GALNT13: variants seen among roughly 807,000 people sequenced by gnomAD.
GALNT13 encodes UDP-GalNAc:polypeptide N-acetylgalactosaminyltransferase 13.
GALNT13 carries 28 observed loss-of-function variants against 64.2 expected under a neutral mutation model. The observed-to-expected ratio is 0.44, with a 90% CI of 0.32 to 0.60. The LOEUF is 0.60. Ranked by LOEUF, GALNT13 falls within the 20% of genes least tolerant of loss-of-function variation. The pLI is 0.05. For missense variants in GALNT13, 577 were observed against 669.8 expected (o/e 0.86, Z 1.53); for synonymous variants, 214 against 224.6 (o/e 0.95, Z 0.42).
At chr2:154,305,024 C>T (rs546820112) in intron 9 of GALNT13, among the ~76,000 whole-genome samples, 3 of 152,246 alleles carry the variant, frequency 2.0e-5, no homozygotes, top group Admixed American at 6.5e-5. Context: ...GAAGAATGGA[C>T]GCAGGCTAGA....
chr2:153,208,058 AAT>A, the GALNT13 span: 1 of 40,756 alleles, frequency 2.5e-5, no homozygotes, highest in Non-Finnish European at 6.0e-5. Context: ...GAGCAATACA[AAT>A]ATTTTTTTTT....
the GALNT13 span, among the ~76,000 whole-genome samples, chr2:153,835,692 T>G: frequency 6.6e-6 from 1 of 152,092 alleles, no homozygotes; most frequent in Non-Finnish European, 1.5e-5. Context: ...AAGAGTGAAT[T>G]TCATCTACTT....
the GALNT13 span, among the ~76,000 whole-genome samples, chr2:153,579,323 T>C: frequency 1.3e-5 from 2 of 152,130 alleles, no homozygotes; most frequent in Non-Finnish European, 2.9e-5. Context: ...TGAGCTAATA[T>C]AGGCTTTGAG....
At chr2:153,150,024 T>C in the GALNT13 span, among the ~76,000 whole-genome samples, 1 of 151,828 alleles carries the variant, frequency 6.6e-6, no homozygotes, top group Non-Finnish European at 1.5e-5. Context: ...CATGGAGTAA[T>C]ATCTCCTCTG....
chr2:154,190,646 A>G (rs915911912), intron 4 of GALNT13, among the ~76,000 whole-genome samples: 4 of 152,322 alleles, frequency 2.6e-5, no homozygotes, highest in Non-Finnish European at 4.4e-5. Context: ...GATTTTCCTC[A>G]TTAACCTAAT....
At chr2:153,134,175 C>T in the GALNT13 span, among the ~76,000 whole-genome samples, 2 of 152,074 alleles carry the variant, frequency 1.3e-5, no homozygotes, top group Non-Finnish European at 2.9e-5. Context: ...GAAAAGAATC[C>T]ATTAAAGTCA....
At chr2:153,597,255 A>G in the GALNT13 span, among the ~76,000 whole-genome samples, 1 of 152,130 alleles carries the variant, frequency 6.6e-6, no homozygotes, top group South Asian at 2.1e-4. Flanking sequence ...TAAGCCTAGT[A>G]CAGGGCACTT....
intron 3 of GALNT13, among the ~76,000 whole-genome samples, chr2:154,034,328 C>G (rs1698526288): frequency 6.6e-6 from 1 of 152,058 alleles, no homozygotes; most frequent in African/African-American, 2.4e-5. Flanking sequence ...GGGTAACAAA[C>G]TACATTTTTC....
At chr2:154,355,714 G>A (rs143968483) in intron 9 of GALNT13, among the ~76,000 whole-genome samples, 117 of 152,102 alleles carry the variant, frequency 7.7e-4, no homozygotes, top group Non-Finnish European at 1.2e-3. Context: ...TTTTTAGTTC[G>A]AGAGGCTGCA....
intron 9 of GALNT13, among the ~76,000 whole-genome samples, chr2:154,303,819 C>T (rs529476930): frequency 4.4e-4 from 66 of 151,220 alleles, no homozygotes; most frequent in African/African-American, 1.0e-3. Flanking sequence ...AGTGCAGTGG[C>T]GTGATCTCGG....
At chr2:153,884,140 C>T (rs1406263731) in intron 1 of GALNT13, among the ~76,000 whole-genome samples, 1 of 151,828 alleles carries the variant, frequency 6.6e-6, no homozygotes, top group African/African-American at 2.4e-5. Context: ...CTTAAAATTA[C>T]AAAGATAACC....
At chr2:153,838,466 A>G in the GALNT13 span, among the ~76,000 whole-genome samples, 1 of 151,884 alleles carries the variant, frequency 6.6e-6, no homozygotes, top group Admixed American at 6.6e-5. Flanking sequence ...GATATAACCA[A>G]TTTATTTTTG....
intron 9 of GALNT13, among the ~76,000 whole-genome samples, chr2:154,345,854 G>A (rs1696040006): frequency 6.6e-6 from 1 of 151,972 alleles, no homozygotes. Flanking sequence ...CAATCAGTAG[G>A]ACCTTTTACT....
chr2:154,328,773 A>G (rs1375208049), intron 9 of GALNT13, among the ~76,000 whole-genome samples: 2 of 152,150 alleles, frequency 1.3e-5, no homozygotes, highest in African/African-American at 4.8e-5. Context: ...TCCTTGCTCC[A>G]ACATTTTCTC....
chr2:153,392,228 TTG>T, the GALNT13 span, among the ~76,000 whole-genome samples: 1 of 151,342 alleles, frequency 6.6e-6, no homozygotes, highest in Non-Finnish European at 1.5e-5. Flanking sequence ...CTATTTAAAT[TTG>T]TGTTATATGC....
chr2:153,161,163 CG>C, the GALNT13 span, among the ~76,000 whole-genome samples: 2 of 152,184 alleles, frequency 1.3e-5, no homozygotes, highest in Admixed American at 6.5e-5. Context: ...TGCAATACAC[CG>C]CTTATGAACT....
chr2:153,206,933 AG>A, the GALNT13 span, among the ~76,000 whole-genome samples: 1 of 152,002 alleles, frequency 6.6e-6, no homozygotes, highest in African/African-American at 2.4e-5. Flanking sequence ...CTTTTTTTTA[AG>A]CCTATATTCC....
At chr2:153,251,172 G>C in the GALNT13 span, among the ~76,000 whole-genome samples, 1 of 152,034 alleles carries the variant, frequency 6.6e-6, no homozygotes, top group African/African-American at 2.4e-5. Flanking sequence ...ATGGTGTTTG[G>C]CTTTCTTTGG....
At chr2:154,262,017 G>T (rs777360603) in intron 8 of GALNT13, among the ~76,000 whole-genome samples, 11 of 152,160 alleles carry the variant, frequency 7.2e-5, no homozygotes, top group Non-Finnish European at 1.2e-4. Context: ...TCACTTGATC[G>T]CTGTACTTAA....
Sources: allele counts gnomAD v4.1 joint callset (sites outside exome capture counted in the v4.1 genomes callset), GRCh38; gene constraint gnomAD v4.1.1; transcripts MANE v1.5; gene names NCBI Gene and HGNC (gene_info 2026-07-23, HGNC 2026-07-21).